Variants in TLN2 observed in about 807,000 individuals in gnomAD.
TLN2 encodes talin-2.
Under a neutral mutation model 294.7 loss-of-function variants are expected in TLN2, and 118 were observed. The ratio of observed to expected loss-of-function variants is 0.40; its 90% CI spans 0.34 to 0.47. The LOEUF is 0.47. Among genes scored for constraint, TLN2 ranks in the 20% least tolerant of loss-of-function variants. The probability of loss-of-function intolerance (pLI) is 0.84; values close to 1 mark genes in which losing one functional copy is unlikely to be tolerated. For missense variants in TLN2, 3,083 were observed against 3,282.2 expected, an observed-to-expected ratio of 0.94 and a Z score of 1.48; for synonymous variants, 1,431 against 1,304.5, an observed-to-expected ratio of 1.10 and a Z score of -2.09.
intron 1 of TLN2, 83 bp downstream of exon 1, chr15:62,390,768 C>G (rs28613659): frequency 6.6e-6 from 1 of 152,332 alleles, no homozygotes; most frequent in African/African-American, 2.4e-5. Context: ...TTTCCCTCCC[C>G]TCTCCAGAAG....
chr15:62,424,579 A>G (rs1566960624), intron 1 of TLN2, among the ~76,000 whole-genome samples: 1 of 152,110 alleles, frequency 6.6e-6, no homozygotes, highest in African/African-American at 2.4e-5. Flanking sequence ...CTTTTAATCC[A>G]CACCAGGGCC....
chr15:62,608,097 C>T (rs1353549921), intron 2 of TLN2, among the ~76,000 whole-genome samples: 1 of 152,074 alleles, frequency 6.6e-6, no homozygotes, highest in African/African-American at 2.4e-5. Flanking sequence ...TACCCCCATC[C>T]CCCCACCCCA....
intron 1 of TLN2, among the ~76,000 whole-genome samples, chr15:62,527,075 C>T (rs2040779671): frequency 6.6e-6 from 1 of 152,132 alleles, no homozygotes; most frequent in Admixed American, 6.5e-5. Flanking sequence ...CTTGGGAAGG[C>T]CTCCAAGGGT....
intron 13 of TLN2, among the ~76,000 whole-genome samples, chr15:62,693,627 A>G (rs895807774): frequency 5.3e-5 from 8 of 151,858 alleles, no homozygotes; most frequent in African/African-American, 1.9e-4. Flanking sequence ...AACAAATGTA[A>G]TGGGGTTATA....
chr15:62,826,946 C>T (rs1275731904), intron 54 of TLN2, among the ~76,000 whole-genome samples: 1 of 152,114 alleles, frequency 6.6e-6, no homozygotes, highest in Non-Finnish European at 1.5e-5. Context: ...CTGCAAGACT[C>T]TGAGTAACAC....
intron 23 of TLN2, among the ~76,000 whole-genome samples, 169 bp downstream of exon 23, chr15:62,716,628 A>G (rs1385149571): frequency 6.6e-6 from 1 of 152,250 alleles, no homozygotes; most frequent in Non-Finnish European, 1.5e-5. Context: ...ATTGGAAAAA[A>G]CTGCTTCCGT....
At chr15:62,762,590 C>A in intron 39 of TLN2, 137 bp downstream of exon 39, 1 of 953,600 alleles carries the variant, frequency 1.0e-6, no homozygotes, top group Non-Finnish European at 1.6e-6. Flanking sequence ...GGGCCGGAAG[C>A]ACTGGTCACA....
intron 1 of TLN2, among the ~76,000 whole-genome samples, chr15:62,501,089 G>C (rs922783444): frequency 6.6e-6 from 1 of 152,212 alleles, no homozygotes; most frequent in African/African-American, 2.4e-5. Context: ...TGCGCCATGG[G>C]GCATGTTATA....
intron 1 of TLN2, among the ~76,000 whole-genome samples, chr15:62,462,177 T>C (rs1044813269): frequency 2.6e-5 from 4 of 152,204 alleles, no homozygotes; most frequent in African/African-American, 9.7e-5. Context: ...GAGGTTGCAG[T>C]GAGCCGAGAT....
At chr15:62,825,801 T>TTA (rs2068057205) in intron 54 of TLN2, among the ~76,000 whole-genome samples, 1 of 10,876 alleles carries the variant, frequency 9.2e-5, no homozygotes, top group South Asian at 2.0e-3. Context: ...ATAATATATA[T>TTA]TATATATTAT....
intron 16 of TLN2, 113 bp from the exon 17 acceptor site, chr15:62,700,993 G>T (rs1442978279): frequency 1.5e-5 from 13 of 869,332 alleles, no homozygotes; most frequent in Non-Finnish European, 1.9e-5. Flanking sequence ...GTCGGTGCTG[G>T]CCTCATAAGA....
intron 8 of TLN2, among the ~76,000 whole-genome samples, chr15:62,657,159 G>GA (rs1272410188): frequency 6.6e-6 from 1 of 150,866 alleles, no homozygotes; most frequent in South Asian, 2.1e-4. Context: ...AAGGTGGGGG[G>GA]GGGAAGCAAC....
chr15:62,766,220 C>T, intron 40 of TLN2, 101 bp from the exon 41 acceptor site: 1 of 986,812 alleles, frequency 1.0e-6, no homozygotes, highest in Non-Finnish European at 1.5e-6. Context: ...CTAATGTCTG[C>T]TTTGTGTGGC....
At chr15:62,604,888 C>T (rs1052479492) in intron 2 of TLN2, among the ~76,000 whole-genome samples, 17 of 151,928 alleles carry the variant, frequency 1.1e-4, no homozygotes, top group East Asian at 1.9e-4. Context: ...TTGCCGCTGC[C>T]GCCGCCTCCT....
At chr15:62,695,531 A>T (rs1195720701) in intron 14 of TLN2, among the ~76,000 whole-genome samples, 1 of 152,218 alleles carries the variant, frequency 6.6e-6, no homozygotes, top group Non-Finnish European at 1.5e-5. Context: ...ACTCAGATTC[A>T]GATCTTGCGA....
intron 1 of TLN2, among the ~76,000 whole-genome samples, chr15:62,572,782 C>T (rs1359632617): frequency 2.1e-5 from 3 of 146,036 alleles, no homozygotes; most frequent in Non-Finnish European, 4.5e-5. Flanking sequence ...CTCACACCCC[C>T]ACTGACCCTG....
At chr15:62,777,059 C>T (rs1451386691) in intron 43 of TLN2, 149 bp downstream of exon 43, 14 of 660,506 alleles carry the variant, frequency 2.1e-5, no homozygotes, top group Non-Finnish European at 3.1e-5. Flanking sequence ...GTCACATGTC[C>T]AACATATTAT....
At chr15:62,706,717 C>T (rs532325265) in intron 19 of TLN2, among the ~76,000 whole-genome samples, 70 of 152,294 alleles carry the variant, frequency 4.6e-4, no homozygotes, top group African/African-American at 1.6e-3. Flanking sequence ...GATGTTGTGG[C>T]ATCTGGATAT....
chr15:62,483,252 T>G (rs1370887435), intron 1 of TLN2, among the ~76,000 whole-genome samples: 1 of 152,188 alleles, frequency 6.6e-6, no homozygotes, highest in Admixed American at 6.5e-5. Context: ...GATCTTGCAT[T>G]TAACAGGAAT....
Sources: gnomAD v4.1 joint callset for allele counts (sites outside exome capture counted in the v4.1 genomes callset) on GRCh38, gnomAD v4.1.1 for gene constraint, MANE v1.5 for transcripts, NCBI Gene and HGNC (gene_info 2026-07-23, HGNC 2026-07-21) for gene names.